Variants in CHD8 observed in about 807,000 individuals in gnomAD.
The protein encoded by CHD8 is chromodomain helicase DNA binding protein 8.
Under a neutral mutation model 279.2 loss-of-function variants are expected in CHD8, and 31 were observed. That is an observed-to-expected ratio of 0.11 (90% confidence interval 0.08 to 0.15). The LOEUF is 0.15. Among genes scored for constraint, CHD8 ranks in the 10% least tolerant of loss-of-function variants. CHD8 has a pLI of 1.00. For missense variants in CHD8, 2,146 were observed against 3,230.5 expected, an observed-to-expected ratio of 0.66 and a Z score of 8.14; for synonymous variants, 1,081 against 1,139.6, an observed-to-expected ratio of 0.95 and a Z score of 1.04.
rs369876599 is a variant in CHD8 at position 21,402,518 on chromosome 14, A to C, written c.3715-15T>G. ...CGTGCCTGGGCCTGGTTTAAAATAA[A>C]AACGAAAGGAAAGGAGAAAGATATC... On this transcript the variant is annotated splice_polypyrimidine_tract_variant and intron_variant, in intron 18 of 37. Transcript: ENST00000646647. This position sits in a 1 kb window ranked among gnomAD's most constrained non-coding sequence, Gnocchi z 4.5. 1.3e-3 allele frequency: 2,000 copies of C among 1,565,410 alleles called. 5 individuals are homozygous for C. Among genetic ancestry groups the C allele is most frequent in the Non-Finnish European group, 1.5e-3 (1,776 of 1,158,338 alleles).
chr14:21,448,608 G>C (rs1463223453), intron 1 of CHD8, among the ~76,000 whole-genome samples: 2 of 152,150 alleles, frequency 1.3e-5, no homozygotes, highest in South Asian at 2.1e-4. Flanking sequence ...CCAGGCTGGA[G>C]TGCAGTGGCT....
intron 26 of CHD8, chr14:21,398,994 GA>G: frequency 2.4e-6 from 1 of 416,264 alleles, no homozygotes; most frequent in African/African-American, 2.1e-5. Flanking sequence ...TGACACCAGT[GA>G]AAATGTCAAA....
chr14:21,447,870 T>C (rs778187293), intron 1 of CHD8, among the ~76,000 whole-genome samples: 1 of 152,204 alleles, frequency 6.6e-6, no homozygotes, highest in African/African-American at 2.4e-5. Context: ...GAAGTTGCTC[T>C]TCACTGGCTC....
At position 21,405,997 on chromosome 14, in the gene CHD8, G is replaced by A; in HGVS notation, c.2908-133C>T. ...TATAAAATGATGAGAATGGACCAGTGATCTGGTCCATTAATTTTTCTTCCA... is the reference window on the plus strand; with the variant it reads ...TATAAAATGATGAGAATGGACCAGTAATCTGGTCCATTAATTTTTCTTCCA... On this transcript the variant is annotated intron_variant, in intron 14 of 37. Coordinates refer to ENST00000646647, the MANE Select transcript of CHD8 (RefSeq NM_001170629.2). This position sits in a 1 kb window ranked among gnomAD's most constrained non-coding sequence, Gnocchi z 4.2. 6.8e-6 allele frequency: 4 copies of A among 586,534 alleles called. No homozygotes were observed. The South Asian group carries it at 1.7e-4, about 25-fold the overall frequency. The allele number at this position is 586,534 out of a possible 1,614,324, so 36.3% of individuals were successfully genotyped here. A position where few individuals can be genotyped will look rare whatever the true frequency, so the allele number is the denominator to read the frequency against.
intron 1 of CHD8, among the ~76,000 whole-genome samples, chr14:21,437,834 A>G (rs573642566): frequency 6.6e-6 from 1 of 152,158 alleles, no homozygotes; most frequent in South Asian, 2.1e-4. Context: ...GGCTTTTTAG[A>G]CAGTAATTCC....
In CHD8 at chr14:21,415,540, AATAAAAAT is replaced by A. The variant is rs1260218637; in HGVS notation, c.1968+26_1968+33del. ...AAATAAATAAATAAATAAATAAATAAATAAAAATAATAATAATAATAAAAAGCCCTCAC... is the reference window on the plus strand; with the variant it reads ...AAATAAATAAATAAATAAATAAATAAAATAATAATAATAAAAAGCCCTCAC... On this transcript the variant is annotated intron_variant, in intron 7 of 37. Coordinates refer to ENST00000646647, the MANE Select transcript of CHD8 (RefSeq NM_001170629.2). 2.8e-6 allele frequency: 3 copies of A among 1,074,186 alleles called. No homozygotes were observed. The African/African-American group carries it at 5.6e-5, about 20-fold the overall frequency. The allele number at this position is 1,074,186 out of a possible 1,614,324, so 66.5% of individuals were successfully genotyped here.
chr14:21,442,676 GAGGAGAGGGGAGGGGAGGGGAGGA>G (rs1890006483), intron 1 of CHD8, among the ~76,000 whole-genome samples: 1 of 100,264 alleles, frequency 1.0e-5, no homozygotes, highest in African/African-American at 4.6e-5. Context: ...GAGGGGAGGA[GAGGAGAGGGGAGGGGAGGGGAGGA>G]GAGGAGAGGA....
Position 21,431,383 on chromosome 14 carries a change from T to C in CHD8, c.261A>G (p.Pro87=), listed in dbSNP as rs1445387677. The part of the protein sequence containing the change: ...ELSKESTAPA[P]ESITLHDYTT... ...TATAATCATGCAAGGTTATGGATTCTGGAGCTGGAGCTGTGGATTCTTTGG... is the reference window on the plus strand; with the variant it reads ...TATAATCATGCAAGGTTATGGATTCCGGAGCTGGAGCTGTGGATTCTTTGG... The change falls in exon 2 of 38, where the codon CCA becomes CCG. Residue 87 remains proline (P), a synonymous_variant. Transcript: ENST00000646647. The C allele has an allele frequency of 2.0e-6, 3 of 1,537,288 alleles. No individual in the cohort carries two copies. The East Asian group carries it at 7.3e-5, about 38-fold the overall frequency.
intron 10 of CHD8, 67 bp downstream of exon 10, chr14:21,412,846 G>T: frequency 1.0e-6 from 1 of 976,660 alleles, no homozygotes. Context: ...GAAAAATAAA[G>T]GATTGGCAAA....
intron 1 of CHD8, among the ~76,000 whole-genome samples, chr14:21,446,614 CTTAT>C (rs1332500997): frequency 6.6e-6 from 1 of 152,152 alleles, no homozygotes; most frequent in Non-Finnish European, 1.5e-5. Context: ...CTCCTGGCTT[CTTAT>C]TTAATTTTCT....
chr14:21,413,228 C>G (rs1160193271), intron 9 of CHD8, among the ~76,000 whole-genome samples: 1 of 152,184 alleles, frequency 6.6e-6, no homozygotes, highest in African/African-American at 2.4e-5. Context: ...AGGTCCTTCT[C>G]TCCATATATG....
Position 21,394,982 on chromosome 14 carries a change from C to T in CHD8, c.5320G>A (p.Asp1774Asn). ...GCTTCACAACGCCGCCTTCGCCGGT[C>T]CCCACGTTCTGCAGCCTCTATCTTC... Reference protein sequence around the residue: ...QMKIEAAERGDRRRRRCEAAF... With the variant: ...QMKIEAAERGNRRRRRCEAAF... The change falls in exon 30 of 38, where the codon GAC becomes AAC. Residue 1774 changes from aspartate to asparagine, a missense_variant. This residue lies in a region of CHD8 where 513 missense variants were observed against 637.6 expected (regional missense o/e 0.80). Coordinates refer to ENST00000646647, the MANE Select transcript of CHD8 (RefSeq NM_001170629.2). 6.2e-7 allele frequency: 1 copy of T among 1,614,032 alleles called. No homozygotes were observed. Among genetic ancestry groups the T allele is most frequent in the Non-Finnish European group, 8.5e-7 (1 of 1,179,906 alleles).
chr14:21,407,556 C>T (rs79576764), intron 13 of CHD8, among the ~76,000 whole-genome samples: 1,748 of 152,026 alleles, frequency 0.011, 22 homozygotes, highest in Middle Eastern at 0.058. Context: ...TGTTAATACA[C>T]GATGGATAAT....
At chr14:21,451,366 T>C (rs149194013) in intron 1 of CHD8, among the ~76,000 whole-genome samples, 2 of 151,744 alleles carry the variant, frequency 1.3e-5, no homozygotes, top group African/African-American at 2.4e-5. Flanking sequence ...GCCCAGGAGT[T>C]TGAGACCAGC....
intron 1 of CHD8, among the ~76,000 whole-genome samples, chr14:21,437,603 C>A (rs902315613): frequency 6.6e-6 from 1 of 152,180 alleles, no homozygotes; most frequent in Non-Finnish European, 1.5e-5. Context: ...GCTAGGCCAG[C>A]TCCGCCTCCC....
chr14:21,394,238 G>C, intron 31 of CHD8, 39 bp downstream of exon 31: 1 of 1,612,342 alleles, frequency 6.2e-7, no homozygotes, highest in Middle Eastern at 1.7e-4. Context: ...AGTTGCTTCT[G>C]TTGGCATCCA....
intron 9 of CHD8, 55 bp from the exon 10 acceptor site, chr14:21,413,051 C>G (rs1888569209): frequency 9.7e-7 from 1 of 1,033,044 alleles, no homozygotes; most frequent in African/African-American, 1.6e-5. Flanking sequence ...TCCAGTAAAC[C>G]CACTCCTCTA....
rs1470290866 is a variant in CHD8 at position 21,412,835 on chromosome 14, C to T, written c.2226+78G>A. ...GTCCAAGGGATTCTGCATCCATACC[C>T]GAAAAATAAAGGATTGGCAAACCCA... On this transcript the variant is annotated intron_variant, in intron 10 of 37. Transcript: ENST00000646647. 27 of 887,598 alleles carry T rather than the reference C, an allele frequency of 3.0e-5. No individual in the cohort carries two copies. In the Middle Eastern group the frequency reaches 1.3e-3, roughly 42 times the overall value. The allele number at this position is 887,598 out of a possible 1,614,324, so 55.0% of individuals were successfully genotyped here. A position where few individuals can be genotyped will look rare whatever the true frequency, so the allele number is the denominator to read the frequency against.
rs1368776289 is a variant in CHD8 at position 21,394,048 on chromosome 14, G to T, written c.5747C>A (p.Pro1916His). ...CCACCATTTGGGCAATTCAGGACCA[G>T]GAGGCTGACACAATGCCAGCCGATC... ...LEDRLALCQP[P>H]GPELPKWWEP... The change falls in exon 32 of 38, where the codon CCT (proline) becomes CAT (histidine). Residue 1916 changes from proline (P) to histidine (H), a missense_variant. Pro to His is a moderately conservative substitution (Grantham distance 77). This residue lies in a region of CHD8 where 513 missense variants were observed against 637.6 expected (regional missense o/e 0.80). Coordinates refer to ENST00000646647, the MANE Select transcript of CHD8 (RefSeq NM_001170629.2). 6.2e-7 allele frequency: 1 copy of T among 1,613,952 alleles called. No homozygotes were observed. The highest frequency in any genetic ancestry group is 1.1e-5 in the South Asian group (1 of 91,082).
Sources: allele counts gnomAD v4.1 joint callset (sites outside exome capture counted in the v4.1 genomes callset), GRCh38; gene constraint gnomAD v4.1.1; regional missense constraint gnomAD v4.1.1; non-coding constraint Gnocchi (gnomAD v3.1); transcripts MANE v1.5; gene names NCBI Gene and HGNC (gene_info 2026-07-23, HGNC 2026-07-21).